Variants in BACH2 observed in about 807,000 individuals in gnomAD.
BACH2 encodes the protein BACH transcriptional regulator 2, also known as transcription regulator protein BACH2.
A neutral mutation model predicts 61.8 loss-of-function variants in BACH2; 5 were observed. The observed-to-expected ratio is 0.08, with a 90% CI of 0.04 to 0.17. The LOEUF is 0.17. Among genes scored for constraint, BACH2 ranks in the 10% least tolerant of loss-of-function variants. BACH2 has a pLI of 1.00. For missense variants in BACH2, 824 were observed against 1,091.1 expected (o/e 0.76, Z 3.45); for synonymous variants, 446 against 440.1 (o/e 1.01, Z -0.17).
At chr6:90,107,364 C>G (rs1377658582) in intron 4 of BACH2, among the ~76,000 whole-genome samples, 1 of 151,446 alleles carries the variant, frequency 6.6e-6, no homozygotes, top group East Asian at 1.9e-4. Context: ...GAGCAAGACT[C>G]TGTCTCAAAA....
chr6:90,015,573 G>A (rs1442164291), intron 5 of BACH2, among the ~76,000 whole-genome samples: 1 of 152,156 alleles, frequency 6.6e-6, no homozygotes, highest in Non-Finnish European at 1.5e-5. Context: ...ATTTGGGGGA[G>A]TTTTTAGTTA....
chr6:90,293,991 T>C (rs629485), intron 1 of BACH2, among the ~76,000 whole-genome samples: 2,495 of 152,276 alleles, frequency 0.016, 52 homozygotes, highest in African/African-American at 0.056. Flanking sequence ...CAGGCACTGG[T>C]AATACAGAAA....
chr6:90,221,729 G>A (rs980084609), intron 3 of BACH2, among the ~76,000 whole-genome samples: 3 of 152,106 alleles, frequency 2.0e-5, no homozygotes, highest in Non-Finnish European at 2.9e-5. Flanking sequence ...AGTGTGAGCA[G>A]GATTTTTGAC....
intron 4 of BACH2, among the ~76,000 whole-genome samples, chr6:90,112,112 G>A (rs1024530183): frequency 1.3e-5 from 2 of 152,186 alleles, no homozygotes; most frequent in Non-Finnish European, 2.9e-5. Flanking sequence ...TTTTTCTGCA[G>A]ATCAAACAAG....
At chr6:90,180,581 T>A (rs142641248) in intron 4 of BACH2, among the ~76,000 whole-genome samples, 1 of 152,168 alleles carries the variant, frequency 6.6e-6, no homozygotes, top group South Asian at 2.1e-4. Flanking sequence ...TCTGTATGCC[T>A]TTGTGTACCC....
rs1443276185 is a variant in BACH2 at position 89,932,677 on chromosome 6, G to C, written c.2257C>G (p.Gln753Glu). 1 of 1,614,028 alleles carries C rather than the reference G, an allele frequency of 6.2e-7. No individual in the cohort carries two copies. Among genetic ancestry groups the C allele is most frequent in the Non-Finnish European group, 8.5e-7 (1 of 1,180,032 alleles). Residue 753 changes from glutamine to glutamate, a missense_variant, in exon 9 of 9, where the codon CAG becomes GAG. By Grantham distance (29) the Gln-to-Glu change is conservative (BLOSUM62 2). Transcript: ENST00000257749. ...SINPAPLGAE[Q>E]NIAASQCAVG... ...GCGCATTGGGAGGCCGCAATGTTCTGCTCAGCACCCAAGGGCGCAGGGTTA... is the reference window on the plus strand; with the variant it reads ...GCGCATTGGGAGGCCGCAATGTTCTCCTCAGCACCCAAGGGCGCAGGGTTA...
intron 4 of BACH2, among the ~76,000 whole-genome samples, chr6:90,194,053 A>AC (rs1344485065): frequency 1.3e-5 from 2 of 152,164 alleles, no homozygotes; most frequent in Admixed American, 6.5e-5. Context: ...CAACTACGCC[A>AC]CATAATCCAC....
chr6:90,268,003 C>CTT (rs1317612336), intron 2 of BACH2, among the ~76,000 whole-genome samples: 7 of 134,312 alleles, frequency 5.2e-5, no homozygotes, highest in Non-Finnish European at 9.9e-5. Flanking sequence ...CTGCACTTGC[C>CTT]TTTTTTGTTT....
At chr6:90,000,399 T>C (rs1326905740) in intron 6 of BACH2, among the ~76,000 whole-genome samples, 4 of 152,094 alleles carry the variant, frequency 2.6e-5, no homozygotes, top group African/African-American at 2.4e-5. Flanking sequence ...ATTTATTTGC[T>C]TTTTTTTCAT....
chr6:90,286,770 T>C (rs1292034984), intron 1 of BACH2, among the ~76,000 whole-genome samples: 1 of 152,062 alleles, frequency 6.6e-6, no homozygotes, highest in African/African-American at 2.4e-5. Flanking sequence ...CATAAAGTAT[T>C]GTTAGAAAAA....
At chr6:90,113,015 T>A (rs1309791787) in intron 4 of BACH2, among the ~76,000 whole-genome samples, 1 of 152,176 alleles carries the variant, frequency 6.6e-6, no homozygotes, top group East Asian at 1.9e-4. Flanking sequence ...GGAAGGGCAT[T>A]ACATAATGGT....
At chr6:90,056,535 A>G (rs1780362731) in intron 5 of BACH2, among the ~76,000 whole-genome samples, 1 of 152,012 alleles carries the variant, frequency 6.6e-6, no homozygotes, top group Non-Finnish European at 1.5e-5. Context: ...AGACTTTAAC[A>G]TCCCACTGTC....
chr6:90,027,386 A>G (rs778493482), intron 5 of BACH2, among the ~76,000 whole-genome samples: 6 of 152,206 alleles, frequency 3.9e-5, no homozygotes, highest in Non-Finnish European at 8.8e-5. Context: ...TAAGATACAG[A>G]CGGTCTTATA....
chr6:90,059,152 C>T (rs536266053), intron 5 of BACH2, among the ~76,000 whole-genome samples: 2,138 of 152,292 alleles, frequency 0.014, 2 homozygotes, highest in African/African-American at 0.049. Context: ...AGAGCTTCTG[C>T]ACAGCAAAAG....
At chr6:90,048,505 T>A (rs907936337) in intron 5 of BACH2, among the ~76,000 whole-genome samples, 5 of 152,184 alleles carry the variant, frequency 3.3e-5, no homozygotes, top group African/African-American at 1.2e-4. Context: ...TACAAAACTT[T>A]ATGTTAATTT....
At position 89,932,298 on chromosome 6, in the gene BACH2, C is replaced by T. The variant is rs1219429722; in HGVS notation, c.*110G>A. Reference sequence around the variant, plus strand: ...TTGCTGCTAAGACCGCTGTAGTGTGCACCAAATGTGTTCTCGGTTTCTTCG... The same window carrying T: ...TTGCTGCTAAGACCGCTGTAGTGTGTACCAAATGTGTTCTCGGTTTCTTCG... On this transcript the variant is annotated 3_prime_UTR_variant, in exon 9 of 9. Transcript: ENST00000257749. 4.3e-6 allele frequency: 6 copies of T among 1,410,134 alleles called. No homozygotes were observed. Among genetic ancestry groups the T allele is most frequent in the African/African-American group, 2.8e-5 (2 of 70,270 alleles). 87.4% of individuals were successfully genotyped at this position (1,410,134 alleles called of 1,614,324 possible). A position where few individuals can be genotyped will look rare whatever the true frequency, so the allele number is the denominator to read the frequency against.
chr6:90,168,935 G>T (rs1404714327), intron 4 of BACH2, among the ~76,000 whole-genome samples: 1 of 152,138 alleles, frequency 6.6e-6, no homozygotes, highest in African/African-American at 2.4e-5. Flanking sequence ...GTAAAGATAT[G>T]ATGTCATCAA....
At chr6:90,070,979 G>T (rs1781197532) in intron 5 of BACH2, among the ~76,000 whole-genome samples, 1 of 151,866 alleles carries the variant, frequency 6.6e-6, no homozygotes, top group South Asian at 2.1e-4. Flanking sequence ...TCTTTCCTTT[G>T]TTTTTTGTTT....
intron 6 of BACH2, among the ~76,000 whole-genome samples, chr6:89,970,219 T>G (rs144750007): frequency 0.011 from 1,647 of 152,146 alleles, 20 homozygotes; most frequent in East Asian, 0.04. Context: ...TCGTGAGGAG[T>G]AAGGACAGTG....
Sources: allele counts gnomAD v4.1 joint callset (sites outside exome capture counted in the v4.1 genomes callset), GRCh38; gene constraint gnomAD v4.1.1; transcripts MANE v1.5; gene names NCBI Gene and HGNC (gene_info 2026-07-23, HGNC 2026-07-21).